The following MGA variants were observed in gnomAD, a reference collection of about 807,000 sequenced individuals.
MGA encodes MAX dimerization protein MGA.
MGA carries 40 observed loss-of-function variants against 261.1 expected under a neutral mutation model. That is an observed-to-expected ratio of 0.15 (90% CI 0.12 to 0.20). The LOEUF (loss-of-function observed/expected upper bound fraction) is 0.20, where lower values mean the gene tolerates loss of function less well. Ranked by LOEUF, MGA falls within the 10% of genes least tolerant of loss-of-function variation. The pLI is 1.00. For missense variants in MGA, 3,397 were observed against 3,630.5 expected (o/e 0.94, Z 1.65); for synonymous variants, 1,302 against 1,290.6 (o/e 1.01, Z -0.19).
intron 22 of MGA, among the ~76,000 whole-genome samples, chr15:41,763,302 C>T (rs1452359735): frequency 6.6e-6 from 1 of 150,794 alleles, no homozygotes; most frequent in African/African-American, 2.4e-5. Flanking sequence ...GGGGTTTCAC[C>T]GTGTTAGCCA....
intron 1 of MGA, among the ~76,000 whole-genome samples, chr15:41,644,518 ATGG>A (rs2056895556): frequency 6.6e-6 from 1 of 151,926 alleles, no homozygotes; most frequent in Admixed American, 6.6e-5. Context: ...TTAGCCAGGC[ATGG>A]TGATCACGCA....
chr15:41,706,424 G>C (rs535268076), intron 5 of MGA, among the ~76,000 whole-genome samples: 2 of 150,332 alleles, frequency 1.3e-5, no homozygotes, highest in African/African-American at 2.4e-5. Flanking sequence ...GCCATCTTTT[G>C]TTCAGATAGA....
chr15:41,696,934 ACAC>A lies in MGA; in HGVS notation c.1926_1928del (p.Pro643del), dbSNP rs1261392967. 18 of 1,603,482 alleles carry A rather than the reference ACAC, an allele frequency of 1.1e-5. 1 individual carries two copies. In the Admixed American group the frequency reaches 3.1e-4, roughly 27 times the overall value. On this transcript the variant is annotated inframe_deletion, in exon 3 of 24. Coordinates refer to ENST00000219905, the MANE Select transcript of MGA (RefSeq NM_001164273.2). ...AAAGTCTTTAATTTCTACAAAGAAT[ACAC>A]CTGTAAGCCCTGGGAGTACCTTTCC...
At chr15:41,745,417 T>C (rs2062400318) in intron 15 of MGA, among the ~76,000 whole-genome samples, 1 of 151,344 alleles carries the variant, frequency 6.6e-6, no homozygotes, top group Non-Finnish European at 1.5e-5. Context: ...TCCTGTTAGC[T>C]ACTATATATT....
At chr15:41,709,123 G>T (rs2060257995) in intron 7 of MGA, among the ~76,000 whole-genome samples, 1 of 152,104 alleles carries the variant, frequency 6.6e-6, no homozygotes. Context: ...GAAGCAAGCG[G>T]ATTGCCTGAG....
Position 41,710,724 on chromosome 15 carries a change from C to T in MGA, c.2459C>T (p.Ser820Phe), listed in dbSNP as rs892430051. ...TCAGAAAGTTCACTGAAAAATCGTT[C>T]TGCTTTCTGTAGTGATAAGCTAGAT... The change falls in exon 8 of 24, where the codon TCT (serine) becomes TTT (phenylalanine). Residue 820 changes from serine to phenylalanine, a missense_variant. By Grantham distance (155) the Ser-to-Phe change is radical. Transcript: ENST00000219905. 6.2e-7 allele frequency: 1 copy of T among 1,605,104 alleles called. No homozygotes were observed. The highest frequency in any genetic ancestry group is 8.5e-7 in the Non-Finnish European group (1 of 1,176,902).
chr15:41,703,084 T>G (rs1433773779), intron 5 of MGA, among the ~76,000 whole-genome samples: 1 of 152,146 alleles, frequency 6.6e-6, no homozygotes, highest in African/African-American at 2.4e-5. Flanking sequence ...ATTTCCTTAG[T>G]TTTTACCCAA....
rs1472246024 is a variant in MGA, at chr15:41,732,546, C to A, written c.3844-1976C>A. ...TAGATGGTTATATCCTCTGCTAATG[C>A]AAGAACTGATAAATTTTTAGATAAC... On this transcript the variant is annotated intron_variant, in intron 11 of 23. Transcript: ENST00000219905. Among the ~76,000 whole-genome samples, 4 of 152,176 alleles carry A rather than the reference C, an allele frequency of 2.6e-5. No homozygotes were observed. In the South Asian group the frequency reaches 8.3e-4, roughly 31 times the overall value.
intron 3 of MGA, among the ~76,000 whole-genome samples, chr15:41,697,930 G>A (rs1388685650): frequency 2.0e-5 from 3 of 151,698 alleles, no homozygotes; most frequent in East Asian, 1.9e-4. Flanking sequence ...GTGCAGTAGC[G>A]CAATCTTGGC....
chr15:41,754,509 G>A lies in MGA; in HGVS notation c.7081G>A (p.Glu2361Lys), dbSNP rs2063030876. 1.3e-6 allele frequency: 2 copies of A among 1,581,032 alleles called. No homozygotes were observed. Among genetic ancestry groups the A allele is most frequent in the South Asian group, 2.3e-5 (2 of 86,578 alleles). The change falls in exon 18 of 24, where the codon GAA (glutamate) becomes AAA (lysine). Residue 2361 changes from glutamate to lysine, a missense_variant. Glu to Lys is a moderately conservative substitution (Grantham distance 56). Around this residue, in one of 9 missense-constraint regions of MGA, gnomAD observed 1,410 missense variants for 1,386.4 expected, o/e 1.02. Coordinates refer to ENST00000219905, the MANE Select transcript of MGA (RefSeq NM_001164273.2). ...TGAGACTGTAGAAGAGCTCTCAGAG[G>A]AAATTAATGTTGCTCACCTGAAGAC... is the stretch of plus-strand genomic sequence containing the variant.
intron 5 of MGA, among the ~76,000 whole-genome samples, chr15:41,699,812 G>T (rs1389200285): frequency 2.0e-5 from 3 of 152,030 alleles, no homozygotes; most frequent in Non-Finnish European, 4.4e-5. Flanking sequence ...TTGTCCTTTA[G>T]TAGTATATTT....
chr15:41,624,612 G>A (rs566666884), intron 1 of MGA, among the ~76,000 whole-genome samples: 6 of 152,002 alleles, frequency 3.9e-5, no homozygotes, highest in Middle Eastern at 3.4e-3. Context: ...GGTGGGTGGC[G>A]TGAGCCACCG....
intron 9 of MGA, among the ~76,000 whole-genome samples, chr15:41,725,281 T>C (rs1245936243): frequency 6.6e-6 from 1 of 152,224 alleles, no homozygotes. Flanking sequence ...AAAACAGGCC[T>C]GGGTAACATA....
At chr15:41,694,007 A>G (rs2059422045) in intron 2 of MGA, among the ~76,000 whole-genome samples, 1 of 152,236 alleles carries the variant, frequency 6.6e-6, no homozygotes, top group Middle Eastern at 3.4e-3. Flanking sequence ...AGATTTTAAG[A>G]AATATTCTGG....
chr15:41,749,517 A>G lies in MGA; in HGVS notation c.5910A>G (p.Arg1970=), dbSNP rs1595967165. Residue 1970 remains arginine, a synonymous_variant, in exon 17 of 24, where the codon AGA becomes AGG. Coordinates refer to ENST00000219905, the MANE Select transcript of MGA (RefSeq NM_001164273.2). ...ATGTTGCTTCCCTTCAGATGAAGAGAGAATCTCAGAATCCAGACCAGAAAG... is the reference window on the plus strand; with the variant it reads ...ATGTTGCTTCCCTTCAGATGAAGAGGGAATCTCAGAATCCAGACCAGAAAG... 1.2e-6 allele frequency: 2 copies of G among 1,613,956 alleles called. No homozygotes were observed. The highest frequency in any genetic ancestry group is 1.7e-6 in the Non-Finnish European group (2 of 1,179,888).
At chr15:41,659,604 T>C (rs2057288980), upstream of MGA, among the ~76,000 whole-genome samples, 1 of 152,210 alleles carries the variant, frequency 6.6e-6, no homozygotes, top group African/African-American at 2.4e-5. Context: ...TACTGTCCAT[T>C]GATTTACTTC....
chr15:41,742,506 G>T, intron 14 of MGA, 40 bp from the exon 15 acceptor site: 2 of 1,591,368 alleles, frequency 1.3e-6, no homozygotes, highest in South Asian at 2.3e-5. Context: ...GATAAAATAT[G>T]AGAACTGAAG....
At chr15:41,644,388 G>A (rs2056892090) in intron 1 of MGA, among the ~76,000 whole-genome samples, 1 of 150,796 alleles carries the variant, frequency 6.6e-6, no homozygotes, top group Non-Finnish European at 1.5e-5. Context: ...GGGTGTGGTG[G>A]CTCACATCTG....
intron 1 of MGA, among the ~76,000 whole-genome samples, chr15:41,661,650 ATCATGAGAAG>A (rs2150829868): frequency 6.6e-6 from 1 of 152,222 alleles, no homozygotes; most frequent in East Asian, 1.9e-4. Flanking sequence ...AAACACGTGG[ATCATGAGAAG>A]TCTCGAGCCC....
Sources: allele counts gnomAD v4.1 joint callset (sites outside exome capture counted in the v4.1 genomes callset), GRCh38; gene constraint gnomAD v4.1.1; regional missense constraint gnomAD v4.1.1; transcripts MANE v1.5; gene names NCBI Gene and HGNC (gene_info 2026-07-23, HGNC 2026-07-21).